The following ZNF566 variants were observed in gnomAD, a reference collection of about 807,000 sequenced individuals.
ZNF566 encodes the protein zinc finger protein 566.
A neutral mutation model predicts 32.8 loss-of-function variants in ZNF566; 27 were observed. That is an observed-to-expected ratio of 0.82 (90% CI 0.61 to 1.14). ZNF566 has a LOEUF of 1.14. ZNF566 is among the 50% of genes most tolerant of loss of function. The pLI is 0.00. For synonymous variants in ZNF566, 154 were observed against 159.5 expected, an observed-to-expected ratio of 0.97 and a Z score of 0.26; for missense variants, 402 against 490.4, an observed-to-expected ratio of 0.82 and a Z score of 1.70.
intron 1 of ZNF566, among the ~76,000 whole-genome samples, chr19:36,484,049 T>C (rs1030477417): frequency 2.0e-5 from 3 of 152,204 alleles, no homozygotes; most frequent in Non-Finnish European, 2.9e-5. Flanking sequence ...ATTTTTTGTA[T>C]TTTTAGTAGA....
At position 36,448,416 on chromosome 19, in the gene ZNF566, C is replaced by T. The variant is rs568299351; in HGVS notation, c.*561G>A. The T allele has an allele frequency of 3.3e-5, 5 of 151,988 alleles. No homozygotes were observed. Among genetic ancestry groups the T allele is most frequent in the South Asian group, 2.1e-4 (1 of 4,814 alleles). The allele number at this position is 151,988 out of a possible 1,614,324, so 9.4% of individuals were successfully genotyped here. ...GAAGAATCTCTATTGAGTAAAATGT[C>T]GTTCATGAACATTTTTACAATAAGA... On this transcript the variant is annotated 3_prime_UTR_variant, in exon 5 of 5. Coordinates refer to ENST00000452939, the MANE Select transcript of ZNF566 (RefSeq NM_001145344.1).
chr19:36,468,468 T>C (rs1210134961), intron 4 of ZNF566, among the ~76,000 whole-genome samples: 3 of 151,024 alleles, frequency 2.0e-5, no homozygotes, highest in Non-Finnish European at 2.9e-5. Context: ...TAGCTGGGTG[T>C]GGTGCTGCAT....
Position 36,449,734 on chromosome 19 carries a change from T to C in ZNF566, c.500A>G (p.Lys167Arg). 6.2e-7 allele frequency: 1 copy of C among 1,614,162 alleles called. No individual in the cohort carries two copies. The highest frequency in any genetic ancestry group is 8.5e-7 in the Non-Finnish European group (1 of 1,180,022). Residue 167 changes from lysine (K) to arginine (R), a missense_variant, in exon 5 of 5, where the codon AAA (lysine) becomes AGA (arginine). Physicochemically the swap from Lys to Arg is conservative, Grantham distance 26. Coordinates refer to ENST00000452939, the MANE Select transcript of ZNF566 (RefSeq NM_001145344.1). Reference sequence around the variant, plus strand: ...TTCTTTAGATGCACAGAATTTCTTTTTACTGTTAATGATTTGCTGTAATGT... The same window carrying C: ...TTCTTTAGATGCACAGAATTTCTTTCTACTGTTAATGATTTGCTGTAATGT... ...SFTLQQIINS[K>R]KKFCASKEYR...
At chr19:36,471,232 A>T (rs1399551012) in intron 4 of ZNF566, among the ~76,000 whole-genome samples, 2 of 144,780 alleles carry the variant, frequency 1.4e-5, no homozygotes, top group African/African-American at 2.6e-5. Flanking sequence ...AAAAAAAAAA[A>T]TAATGAGTTG....
At chr19:36,486,979 A>T (rs965698612) in intron 1 of ZNF566, among the ~76,000 whole-genome samples, 3 of 150,404 alleles carry the variant, frequency 2.0e-5, no homozygotes, top group African/African-American at 7.3e-5. Flanking sequence ...AATCCCAGCT[A>T]CTCGGGAGGC....
chr19:36,470,937 G>C (rs938971180), intron 4 of ZNF566, among the ~76,000 whole-genome samples: 2 of 147,418 alleles, frequency 1.4e-5, no homozygotes, highest in Admixed American at 6.7e-5. Context: ...TGGCCGGTGT[G>C]GTGGCTCACG....
chr19:36,465,776 A>G (rs2033598260), intron 4 of ZNF566, among the ~76,000 whole-genome samples: 2 of 152,094 alleles, frequency 1.3e-5, no homozygotes, highest in South Asian at 4.2e-4. Flanking sequence ...CCCAGCTTAT[A>G]AATACTATTT....
chr19:36,485,471 A>G (rs1360182940), intron 1 of ZNF566, among the ~76,000 whole-genome samples: 2 of 121,738 alleles, frequency 1.6e-5, no homozygotes, highest in African/African-American at 3.1e-5. Flanking sequence ...AAAAAAAAAA[A>G]GTGGCCGGTG....
intron 2 of ZNF566, among the ~76,000 whole-genome samples, chr19:36,474,698 A>T (rs1166839477): frequency 6.6e-6 from 1 of 152,188 alleles, no homozygotes. Flanking sequence ...CCTTGTAGAC[A>T]TGTGTAAAAT....
At chr19:36,463,258 T>G (rs1045666511) in intron 4 of ZNF566, among the ~76,000 whole-genome samples, 2 of 152,030 alleles carry the variant, frequency 1.3e-5, no homozygotes, top group African/African-American at 4.8e-5. Flanking sequence ...AGCTGTGGGT[T>G]CACCACTACA....
chr19:36,484,682 C>T (rs369463518), intron 1 of ZNF566, among the ~76,000 whole-genome samples: 1 of 151,278 alleles, frequency 6.6e-6, no homozygotes, highest in African/African-American at 2.4e-5. Context: ...CTCCACCTCC[C>T]GGGTTAACGC....
At chr19:36,489,292 G>A (rs1568538066) in intron 1 of ZNF566, 194 bp downstream of exon 1, 1 of 203,938 alleles carries the variant, frequency 4.9e-6, no homozygotes, top group Non-Finnish European at 1.0e-5. Context: ...CAGTCTCCGA[G>A]GCCGTGCTGC....
At chr19:36,461,802 T>C (rs2033470005) in intron 4 of ZNF566, among the ~76,000 whole-genome samples, 1 of 152,206 alleles carries the variant, frequency 6.6e-6, no homozygotes, top group African/African-American at 2.4e-5. Context: ...TGGACTGTGA[T>C]TCCAGTGTCA....
chr19:36,475,193 G>T (rs2033854682), intron 2 of ZNF566, among the ~76,000 whole-genome samples: 1 of 152,120 alleles, frequency 6.6e-6, no homozygotes, highest in Admixed American at 6.6e-5. Flanking sequence ...CTACAGGCGT[G>T]CACCAACATG....
At chr19:36,456,319 T>TGC (rs2033309066) in intron 4 of ZNF566, 1 of 145,512 alleles carries the variant, frequency 6.9e-6, no homozygotes, top group Non-Finnish European at 1.5e-5. Context: ...GTGGATTGCC[T>TGC]GAGCTCAGGA....
intron 1 of ZNF566, among the ~76,000 whole-genome samples, chr19:36,476,876 A>C (rs1421259470): frequency 6.6e-6 from 1 of 152,172 alleles, no homozygotes; most frequent in Non-Finnish European, 1.5e-5. Context: ...TTTAACTCAT[A>C]TTATACACAC....
In ZNF566 at chr19:36,448,420, C is replaced by T. The variant is rs2033049328; in HGVS notation, c.*557G>A. On this transcript the variant is annotated 3_prime_UTR_variant, in exon 5 of 5. Coordinates refer to ENST00000452939, the MANE Select transcript of ZNF566 (RefSeq NM_001145344.1). ...AATCTCTATTGAGTAAAATGTCGTT[C>T]ATGAACATTTTTACAATAAGAAAGC... is the stretch of plus-strand genomic sequence containing the variant. The T allele has an allele frequency of 6.6e-6, 1 of 152,040 alleles. No homozygotes were observed. 9.4% of individuals were successfully genotyped at this position (152,040 alleles called of 1,614,324 possible). A position where few individuals can be genotyped will look rare whatever the true frequency, so the allele number is the denominator to read the frequency against.
chr19:36,486,073 G>GAGAAA (rs146502920), intron 1 of ZNF566, among the ~76,000 whole-genome samples: 1 of 151,718 alleles, frequency 6.6e-6, no homozygotes, highest in Non-Finnish European at 1.5e-5. Context: ...GAGAGAGAAA[G>GAGAAA]AGAAAAGAAA....
intron 1 of ZNF566, among the ~76,000 whole-genome samples, chr19:36,485,643 T>C (rs2034143494): frequency 6.6e-6 from 1 of 150,756 alleles, no homozygotes; most frequent in Admixed American, 6.6e-5. Context: ...GTGCGTGTAA[T>C]CCCAGCTACT....
Sources: allele counts gnomAD v4.1 joint callset (sites outside exome capture counted in the v4.1 genomes callset), GRCh38; gene constraint gnomAD v4.1.1; transcripts MANE v1.5; gene names NCBI Gene and HGNC (gene_info 2026-07-23, HGNC 2026-07-21).